The following CFAP299 variants were observed in gnomAD, a reference collection of about 807,000 sequenced individuals.
CFAP299 encodes cilia- and flagella-associated protein 299.
A neutral mutation model predicts 27.0 loss-of-function variants in CFAP299; 21 were observed. That is an observed-to-expected ratio of 0.78 (90% CI 0.55 to 1.12). The LOEUF (loss-of-function observed/expected upper bound fraction) is 1.12. Ranked by LOEUF, CFAP299 falls within the 50% of genes most tolerant of loss-of-function variation. The pLI is 0.00. For synonymous variants in CFAP299, 104 were observed against 98.1 expected (o/e 1.06, Z -0.36); for missense variants, 310 against 276.6 (o/e 1.12, Z -0.86).
rs552990229 is a variant in CFAP299, at chr4:80,864,076, A to C, written c.334-5917A>C. ...TCTTGGGAGTGATGAGAATATTCTA[A>C]ATTGGAGTTGTATTGTGCAACTCCA... On this transcript the variant is annotated intron_variant, in intron 3 of 5. Coordinates refer to ENST00000358105, the MANE Select transcript of CFAP299 (RefSeq NM_152770.3). Among the ~76,000 whole-genome samples the C allele has an allele frequency of 3.3e-5, 5 of 152,144 alleles. No homozygotes were observed. In the East Asian group the frequency reaches 7.7e-4, roughly 24 times the overall value.
intron 2 of CFAP299, among the ~76,000 whole-genome samples, chr4:80,511,451 A>C (rs1010848641): frequency 2.0e-5 from 3 of 152,178 alleles, no homozygotes; most frequent in Admixed American, 6.6e-5. Flanking sequence ...TAATTTGGCT[A>C]ATCTTTTATA....
intron 3 of CFAP299, among the ~76,000 whole-genome samples, chr4:80,771,628 T>C (rs1726222019): frequency 6.6e-6 from 1 of 152,198 alleles, no homozygotes; most frequent in African/African-American, 2.4e-5. Context: ...TATAAGCATC[T>C]AGGGCTGATG....
chr4:80,559,237 G>T (rs979601772), intron 2 of CFAP299, among the ~76,000 whole-genome samples: 2 of 146,794 alleles, frequency 1.4e-5, no homozygotes, highest in Non-Finnish European at 2.9e-5. Flanking sequence ...ACAGGTTCAT[G>T]GTAGTTGGAC....
intron 2 of CFAP299, chr4:80,386,908 C>A: frequency 2.4e-6 from 2 of 842,718 alleles, no homozygotes; most frequent in South Asian, 2.7e-5. Context: ...TAGGGCTTCT[C>A]GCCTGAGTGG....
At chr4:80,623,487 A>G (rs1738713338) in intron 3 of CFAP299, among the ~76,000 whole-genome samples, 1 of 152,192 alleles carries the variant, frequency 6.6e-6, no homozygotes, top group Non-Finnish European at 1.5e-5. Flanking sequence ...CCACAGGAAT[A>G]TTGATTTTGA....
intron 3 of CFAP299, among the ~76,000 whole-genome samples, chr4:80,832,489 A>G (rs919466916): frequency 2.0e-5 from 3 of 152,196 alleles, no homozygotes; most frequent in Non-Finnish European, 4.4e-5. Flanking sequence ...TTCATGAAAA[A>G]TGTGATAAAG....
intron 3 of CFAP299, among the ~76,000 whole-genome samples, chr4:80,606,692 C>A (rs1737695618): frequency 6.6e-6 from 1 of 152,124 alleles, no homozygotes; most frequent in African/African-American, 2.4e-5. Flanking sequence ...TTGCTCTTTT[C>A]ATATAACAAC....
chr4:80,836,869 T>C (rs1730588897), intron 3 of CFAP299, among the ~76,000 whole-genome samples: 1 of 152,120 alleles, frequency 6.6e-6, no homozygotes, highest in Admixed American at 6.5e-5. Flanking sequence ...TTTATATGAC[T>C]ACCTTTATTT....
intron 4 of CFAP299, among the ~76,000 whole-genome samples, chr4:80,938,257 G>A (rs1737016511): frequency 6.6e-6 from 1 of 152,150 alleles, no homozygotes. Flanking sequence ...ACAAAAGCTG[G>A]GCAGCACAGT....
At chr4:80,954,468 T>C (rs759164190) in intron 5 of CFAP299, among the ~76,000 whole-genome samples, 3 of 152,190 alleles carry the variant, frequency 2.0e-5, no homozygotes, top group Non-Finnish European at 4.4e-5. Context: ...AAATCTCATG[T>C]TGATAACTTA....
intron 4 of CFAP299, among the ~76,000 whole-genome samples, chr4:80,920,481 C>T (rs1460410084): frequency 1.3e-5 from 2 of 152,100 alleles, no homozygotes; most frequent in Non-Finnish European, 2.9e-5. Context: ...CTCCTTAGGT[C>T]TTCAGAGGAT....
intron 3 of CFAP299, among the ~76,000 whole-genome samples, chr4:80,624,538 A>T (rs906446920): frequency 6.6e-6 from 1 of 152,030 alleles, no homozygotes; most frequent in Non-Finnish European, 1.5e-5. Flanking sequence ...GAATACAATT[A>T]AAAAAAGATA....
intron 4 of CFAP299, among the ~76,000 whole-genome samples, chr4:80,907,127 A>C (rs1469544331): frequency 6.6e-6 from 1 of 152,172 alleles, no homozygotes; most frequent in East Asian, 1.9e-4. Context: ...ACAGACCTCT[A>C]GGGCAGGGTC....
At chr4:80,611,457 A>T (rs1737973391) in intron 3 of CFAP299, among the ~76,000 whole-genome samples, 2 of 152,100 alleles carry the variant, frequency 1.3e-5, no homozygotes, top group South Asian at 4.1e-4. Flanking sequence ...ACGGCAATCT[A>T]AATGTGCCCT....
chr4:80,400,045 A>G (rs1164330073), intron 2 of CFAP299, among the ~76,000 whole-genome samples: 1 of 152,156 alleles, frequency 6.6e-6, no homozygotes, highest in Admixed American at 6.5e-5. Flanking sequence ...GATTTTTGCC[A>G]ACTTGTGATG....
chr4:80,496,168 T>C (rs1450705887), intron 2 of CFAP299, among the ~76,000 whole-genome samples: 1 of 152,246 alleles, frequency 6.6e-6, no homozygotes, highest in Non-Finnish European at 1.5e-5. Flanking sequence ...TGTTTCTTTC[T>C]CTACCACATG....
chr4:80,813,942 T>C (rs1246419905), intron 3 of CFAP299, among the ~76,000 whole-genome samples: 1 of 152,022 alleles, frequency 6.6e-6, no homozygotes, highest in African/African-American at 2.4e-5. Flanking sequence ...TTATTATTAT[T>C]GGTAAATAAA....
intron 4 of CFAP299, among the ~76,000 whole-genome samples, chr4:80,893,686 C>A (rs1322713679): frequency 6.6e-6 from 1 of 150,936 alleles, no homozygotes; most frequent in Admixed American, 6.6e-5. Context: ...GAAATTGGAC[C>A]CTTATCTTGC....
chr4:80,660,771 G>A (rs1167000879), intron 3 of CFAP299, among the ~76,000 whole-genome samples: 2 of 152,056 alleles, frequency 1.3e-5, no homozygotes, highest in Non-Finnish European at 1.5e-5. Context: ...GAGTCACAAA[G>A]GGCTCGATTG....
Sources: gnomAD v4.1 joint callset for allele counts (sites outside exome capture counted in the v4.1 genomes callset) on GRCh38, gnomAD v4.1.1 for gene constraint, MANE v1.5 for transcripts, NCBI Gene and HGNC (gene_info 2026-07-23, HGNC 2026-07-21) for gene names.